SNX24: variants seen among roughly 807,000 people sequenced by gnomAD.
SNX24 encodes sorting nexin-24.
In SNX24, 22 loss-of-function variants were observed where a neutral mutation model predicts 28.7. The observed-to-expected ratio is 0.77, with a 90% CI of 0.55 to 1.10. The LOEUF (loss-of-function observed/expected upper bound fraction) is 1.10. SNX24 is among the 50% of genes least tolerant of loss of function. SNX24 has a pLI of 0.00. For missense variants in SNX24, 221 were observed against 201.1 expected (o/e 1.10, Z -0.60); for synonymous variants, 69 against 71.5 (o/e 0.96, Z 0.18).
At chr5:122,947,984 T>A (rs1295115551) in intron 3 of SNX24, among the ~76,000 whole-genome samples, 5 of 152,198 alleles carry the variant, frequency 3.3e-5, no homozygotes, top group Non-Finnish European at 7.4e-5. Flanking sequence ...GACACTCAAA[T>A]TGAGCTTAGA....
At chr5:123,014,517 T>C (rs1762648773) in intron 5 of SNX24, among the ~76,000 whole-genome samples, 1 of 150,886 alleles carries the variant, frequency 6.6e-6, no homozygotes, top group Non-Finnish European at 1.5e-5. Flanking sequence ...AGAACTAGTA[T>C]TGCAATAGCT....
intron 1 of SNX24, among the ~76,000 whole-genome samples, chr5:122,852,149 T>C (rs1754952196): frequency 6.6e-6 from 1 of 151,128 alleles, no homozygotes; most frequent in Non-Finnish European, 1.5e-5. Context: ...TATATATTTC[T>C]TTTTTTCTTT....
intron 3 of SNX24, among the ~76,000 whole-genome samples, chr5:122,993,547 G>T (rs908761227): frequency 1.3e-5 from 2 of 152,082 alleles, no homozygotes; most frequent in Non-Finnish European, 2.9e-5. Context: ...TGATCTGCCC[G>T]CCTCAGCCTC....
intron 1 of SNX24, among the ~76,000 whole-genome samples, chr5:122,914,397 G>A (rs1758067231): frequency 6.6e-6 from 1 of 152,164 alleles, no homozygotes; most frequent in Non-Finnish European, 1.5e-5. Flanking sequence ...GTATCAGGAT[G>A]ATGCTGGCCT....
chr5:122,952,588 G>C (rs1307445691), intron 3 of SNX24, among the ~76,000 whole-genome samples: 1 of 152,186 alleles, frequency 6.6e-6, no homozygotes, highest in Non-Finnish European at 1.5e-5. Flanking sequence ...AGTGTGATCT[G>C]ATGATAATCA....
intron 3 of SNX24, among the ~76,000 whole-genome samples, chr5:122,981,852 T>G (rs1761408788): frequency 6.6e-6 from 1 of 152,192 alleles, no homozygotes; most frequent in Non-Finnish European, 1.5e-5. Context: ...TATCCATTAG[T>G]CTTTGACTCT....
intron 2 of SNX24, among the ~76,000 whole-genome samples, chr5:122,943,757 C>T (rs1363748147): frequency 6.6e-6 from 1 of 152,174 alleles, no homozygotes; most frequent in East Asian, 1.9e-4. Flanking sequence ...GAGTGACTGT[C>T]CTGACATAGT....
chr5:122,871,413 G>A (rs1476116535), intron 1 of SNX24, among the ~76,000 whole-genome samples: 1 of 152,172 alleles, frequency 6.6e-6, no homozygotes, highest in Non-Finnish European at 1.5e-5. Context: ...TAAAGGGCTG[G>A]TTCACATTCT....
chr5:122,899,256 G>T (rs973963002), intron 1 of SNX24, among the ~76,000 whole-genome samples: 1 of 152,172 alleles, frequency 6.6e-6, no homozygotes, highest in Non-Finnish European at 1.5e-5. Context: ...TCTGGCAGTA[G>T]ATGTTCTAAG....
chr5:122,867,767 A>G (rs958754289), intron 1 of SNX24, among the ~76,000 whole-genome samples: 5 of 152,178 alleles, frequency 3.3e-5, no homozygotes, highest in Admixed American at 6.5e-5. Flanking sequence ...CACATGAGAC[A>G]CAAATACCTT....
At chr5:122,848,828 C>A (rs374850486) in intron 1 of SNX24, among the ~76,000 whole-genome samples, 6 of 152,284 alleles carry the variant, frequency 3.9e-5, no homozygotes, top group African/African-American at 1.4e-4. Flanking sequence ...CTCATTCCCC[C>A]AGAAGTAAAG....
chr5:122,943,950 A>G (rs754345226), intron 2 of SNX24, among the ~76,000 whole-genome samples: 1 of 152,200 alleles, frequency 6.6e-6, no homozygotes, highest in African/African-American at 2.4e-5. Flanking sequence ...ACAGACTTGT[A>G]CCCAACTACC....
chr5:122,911,964 G>C (rs1388538205), intron 1 of SNX24, among the ~76,000 whole-genome samples: 2 of 142,792 alleles, frequency 1.4e-5, no homozygotes, highest in African/African-American at 5.3e-5. Context: ...CTCTTTTTTG[G>C]TTCCATATGA....
intron 1 of SNX24, among the ~76,000 whole-genome samples, chr5:122,916,372 C>T (rs1459699580): frequency 6.6e-6 from 1 of 152,200 alleles, no homozygotes; most frequent in Non-Finnish European, 1.5e-5. Context: ...ATTTCCTTGG[C>T]CCCCTCTTAA....
intron 3 of SNX24, among the ~76,000 whole-genome samples, chr5:122,989,610 T>G (rs1167510545): frequency 6.6e-6 from 1 of 152,160 alleles, no homozygotes; most frequent in Non-Finnish European, 1.5e-5. Context: ...ATATTGCTCT[T>G]TGTTATTTTT....
chr5:123,001,257 C>T, intron 4 of SNX24, 148 bp from the exon 5 acceptor site: 1 of 655,660 alleles, frequency 1.5e-6, no homozygotes, highest in Non-Finnish European at 2.7e-6. Context: ...CATAGCCATG[C>T]TGTGGCTCAG....
At chr5:122,909,818 G>A (rs1757802531) in intron 1 of SNX24, among the ~76,000 whole-genome samples, 1 of 152,136 alleles carries the variant, frequency 6.6e-6, no homozygotes, top group African/African-American at 2.4e-5. Flanking sequence ...ATGCAGGGAA[G>A]GTACTTAATA....
chr5:122,978,722 T>G (rs1163104990), intron 3 of SNX24, among the ~76,000 whole-genome samples: 1 of 152,154 alleles, frequency 6.6e-6, no homozygotes, highest in Non-Finnish European at 1.5e-5. Context: ...AGAAACACAG[T>G]GCACAAGAAA....
At chr5:123,007,285 G>T (rs1250526356) in intron 6 of SNX24, among the ~76,000 whole-genome samples, 1 of 152,218 alleles carries the variant, frequency 6.6e-6, no homozygotes, top group Admixed American at 6.5e-5. Context: ...TGGAAAAACT[G>T]CAGTGAGGTA....
Sources: allele counts gnomAD v4.1 joint callset (sites outside exome capture counted in the v4.1 genomes callset), GRCh38; gene constraint gnomAD v4.1.1; transcripts MANE v1.5; gene names NCBI Gene and HGNC (gene_info 2026-07-23, HGNC 2026-07-21).